Variants in KDM6A observed in about 807,000 individuals in gnomAD.
KDM6A encodes lysine demethylase 6A, also known as lysine-specific demethylase 6A.
Under a neutral mutation model 117.6 loss-of-function variants are expected in KDM6A, and 11 were observed. The observed-to-expected ratio is 0.09, with a 90% CI of 0.06 to 0.15. The LOEUF (loss-of-function observed/expected upper bound fraction) is 0.15, where lower values mean the gene tolerates loss of function less well. Among genes scored for constraint, KDM6A ranks in the 10% least tolerant of loss-of-function variants. The probability of loss-of-function intolerance (pLI) is 1.00; values close to 1 mark genes in which losing one functional copy is unlikely to be tolerated. For missense variants in KDM6A, 799 were observed against 1,077.3 expected (o/e 0.74, Z 3.62); for synonymous variants, 384 against 396.1 (o/e 0.97, Z 0.36).
chrX:44,951,063 T>C (rs1305358883), intron 2 of KDM6A, among the ~76,000 whole-genome samples: 1 of 110,872 alleles, frequency 9.0e-6, no homozygotes, highest in Non-Finnish European at 1.9e-5. Flanking sequence ...TAGTTTAGAT[T>C]GTATGACCCG....
At chrX:45,047,633 C>T (rs1243615726) in intron 8 of KDM6A, among the ~76,000 whole-genome samples, 1 of 42,310 alleles carries the variant, frequency 2.4e-5, no homozygotes, top group Non-Finnish European at 6.0e-5. Flanking sequence ...TTATGTTTTT[C>T]TTTTGTCCAC....
In KDM6A at chrX:44,907,216, T is replaced by C. The variant is rs1261225026; in HGVS notation, c.225+33229T>C. On this transcript the variant is annotated intron_variant, in intron 2 of 29. Transcript: ENST00000611820. ...TGTTACTGTTTTAATTTTCTGTGTTTTCTCTCATATGTATGTAAGCCCCAA... is the reference window on the plus strand; with the variant it reads ...TGTTACTGTTTTAATTTTCTGTGTTCTCTCTCATATGTATGTAAGCCCCAA... Among the ~76,000 whole-genome samples, 4 of 112,514 alleles carry C rather than the reference T, an allele frequency of 3.6e-5. No homozygotes were observed. In the Admixed American group the frequency reaches 3.8e-4, roughly 11 times the overall value.
At chrX:44,977,164 C>T (rs1484745299) in intron 4 of KDM6A, among the ~76,000 whole-genome samples, 1 of 111,684 alleles carries the variant, frequency 9.0e-6, no homozygotes, top group Non-Finnish European at 1.9e-5. Flanking sequence ...GTCATGAAGA[C>T]TTACTCCATA....
intron 3 of KDM6A, among the ~76,000 whole-genome samples, chrX:44,967,319 C>T (rs759373238): frequency 9.0e-6 from 1 of 111,536 alleles, no homozygotes; most frequent in African/African-American, 3.3e-5. Flanking sequence ...CTTTGGCTAC[C>T]TCCTTCTCCT....
At chrX:44,934,350 T>G (rs1312587574) in intron 2 of KDM6A, among the ~76,000 whole-genome samples, 3 of 112,165 alleles carry the variant, frequency 2.7e-5, no homozygotes, top group Non-Finnish European at 5.6e-5. Context: ...GGTATTAAGT[T>G]GGAAATAATT....
chrX:45,050,746 G>A (rs2043805122), intron 8 of KDM6A, among the ~76,000 whole-genome samples: 1 of 110,456 alleles, frequency 9.1e-6, no homozygotes, highest in Non-Finnish European at 1.9e-5. Flanking sequence ...CTTAAGGTTT[G>A]TAACCATAGC....
At position 45,061,313 on chromosome X, in the gene KDM6A, AT is replaced by A. The variant is rs769988779; in HGVS notation, c.1486-7del. The A allele has an allele frequency of 9.1e-7, 1 of 1,093,427 alleles. No homozygotes were observed. Among genetic ancestry groups the A allele is most frequent in the African/African-American group, 1.8e-5 (1 of 54,702 alleles). The allele number at this position is 1,093,427 out of a possible 1,213,427, so 90.1% of individuals were successfully genotyped here. Reference sequence around the variant, plus strand: ...ATTCTTTAATTTTTTTTTTAAATCGATTTTCCTCAGAATACTTCTGACAATT... The same window carrying A: ...ATTCTTTAATTTTTTTTTTAAATCGATTTCCTCAGAATACTTCTGACAATT... On this transcript the variant is annotated splice_polypyrimidine_tract_variant and intron_variant, in intron 14 of 29. Coordinates refer to ENST00000611820, the MANE Select transcript of KDM6A (RefSeq NM_001291415.2).
In KDM6A at chrX:44,900,930, A is replaced by G. The variant is rs764812817; in HGVS notation, c.225+26943A>G. On this transcript the variant is annotated intron_variant, in intron 2 of 29. Coordinates refer to ENST00000611820, the MANE Select transcript of KDM6A (RefSeq NM_001291415.2). The stretch of plus-strand genomic sequence containing the variant: ...TATTTTCTGTGTAATATGTTTAATA[A>G]TAATATTCTGCATTTTTCTTTGATC... Among the ~76,000 whole-genome samples, 418 of 112,484 alleles carry G rather than the reference A, an allele frequency of 3.7e-3. 1 individual carries two copies. The highest frequency in any genetic ancestry group is 5.4e-3 in the Non-Finnish European group (289 of 53,269).
At chrX:45,048,285 T>G (rs1243574966) in intron 8 of KDM6A, among the ~76,000 whole-genome samples, 1 of 111,355 alleles carries the variant, frequency 9.0e-6, no homozygotes, top group African/African-American at 3.3e-5. Context: ...TTAATAATTT[T>G]TATCCTGCAT....
chrX:45,016,250 T>G (rs2041954010), intron 5 of KDM6A, among the ~76,000 whole-genome samples: 1 of 111,506 alleles, frequency 9.0e-6, no homozygotes, highest in Non-Finnish European at 1.9e-5. Context: ...TTCTAATTAT[T>G]TAGAAACAAC....
Position 45,046,981 on chromosome X carries a change from ATGG to A in KDM6A, c.655-4702_655-4700del, listed in dbSNP as rs375095336. On this transcript the variant is annotated intron_variant, in intron 8 of 29. Transcript: ENST00000611820. ...GCAGTCTCTTTTATTGGTGGTGATG[ATGG>A]TGGTGGTGGTGGTGGTGGTGGTGGT... 9.7e-5 allele frequency among the ~76,000 whole-genome samples: 10 copies of A among 103,402 alleles called. No individual in the cohort carries two copies. In the South Asian group the frequency reaches 1.4e-3, roughly 14 times the overall value. 89.8% of individuals were successfully genotyped at this position (103,402 alleles called of 115,157 possible). A position where few individuals can be genotyped will look rare whatever the true frequency, so the allele number is the denominator to read the frequency against.
intron 2 of KDM6A, among the ~76,000 whole-genome samples, chrX:44,927,022 G>A (rs1309587768): frequency 9.0e-6 from 1 of 111,485 alleles, no homozygotes; most frequent in Non-Finnish European, 1.9e-5. Flanking sequence ...AGCACTTAGT[G>A]TCTAGCTTAT....
At position 45,111,497 on chromosome X, in the gene KDM6A, G is replaced by C. The variant is rs957312603; in HGVS notation, c.*86G>C. ...CACCACTGGTTTTTGTAGCTATCTC[G>C]TAAGGCTGCTGGCTGAAAACTGTGT... On this transcript the variant is annotated 3_prime_UTR_variant, in exon 30 of 30. Coordinates refer to ENST00000611820, the MANE Select transcript of KDM6A (RefSeq NM_001291415.2). 1.1e-5 allele frequency: 9 copies of C among 834,094 alleles called. No homozygotes were observed. The highest frequency in any genetic ancestry group is 1.3e-5 in the Non-Finnish European group (7 of 556,385). The allele number at this position is 834,094 out of a possible 1,213,427, so 68.7% of individuals were successfully genotyped here.
At chrX:44,891,569 C>T (rs138086379) in intron 2 of KDM6A, among the ~76,000 whole-genome samples, 140 of 111,797 alleles carry the variant, frequency 1.3e-3, no homozygotes, top group Non-Finnish European at 1.9e-3. Flanking sequence ...GCTTGTTTTC[C>T]GGTGCTGTAA....
chrX:45,016,452 T>TG (rs1297731137), intron 5 of KDM6A, among the ~76,000 whole-genome samples: 73 of 87,084 alleles, frequency 8.4e-4, no homozygotes, highest in African/African-American at 3.7e-3. Flanking sequence ...TTGATTTTAT[T>TG]TTATGTATGT....
intron 2 of KDM6A, among the ~76,000 whole-genome samples, chrX:44,939,209 A>C (rs1463743336): frequency 4.5e-5 from 5 of 112,327 alleles, no homozygotes; most frequent in Non-Finnish European, 9.4e-5. Flanking sequence ...GTAAATAAAA[A>C]ACCTTCTGGG....
At chrX:45,022,456 G>T (rs2042202953) in intron 6 of KDM6A, among the ~76,000 whole-genome samples, 1 of 111,658 alleles carries the variant, frequency 9.0e-6, no homozygotes, top group Non-Finnish European at 1.9e-5. Flanking sequence ...CCTAGAGTGT[G>T]AAGGTTTCAT....
At chrX:45,029,696 CT>C (rs772451078) in intron 6 of KDM6A, among the ~76,000 whole-genome samples, 2 of 110,582 alleles carry the variant, frequency 1.8e-5, no homozygotes, top group East Asian at 5.7e-4. Context: ...TCATATTCAC[CT>C]TGTATTAGTT....
intron 8 of KDM6A, among the ~76,000 whole-genome samples, chrX:45,041,924 G>A (rs2043245564): frequency 9.1e-6 from 1 of 110,203 alleles, no homozygotes; most frequent in Admixed American, 9.5e-5. Context: ...AGGTTGTAGC[G>A]AGCCGAGATC....
Sources: gnomAD v4.1 joint callset for allele counts (sites outside exome capture counted in the v4.1 genomes callset) on GRCh38, gnomAD v4.1.1 for gene constraint, MANE v1.5 for transcripts, NCBI Gene and HGNC (gene_info 2026-07-23, HGNC 2026-07-21) for gene names.